The following TPD52 variants were observed in gnomAD, a reference collection of about 807,000 sequenced individuals.
The protein encoded by TPD52 is tumor protein D52, also known as prostate and colon associated protein.
Under a neutral mutation model 31.3 loss-of-function variants are expected in TPD52, and 17 were observed. The ratio of observed to expected loss-of-function variants is 0.54; its 90% confidence interval spans 0.37 to 0.82. The LOEUF (loss-of-function observed/expected upper bound fraction) is 0.82. Among genes scored for constraint, TPD52 ranks in the 40% least tolerant of loss-of-function variants. TPD52 has a pLI of 0.00. For synonymous variants in TPD52, 83 were observed against 89.6 expected (o/e 0.93, Z 0.42); for missense variants, 212 against 240.1 (o/e 0.88, Z 0.77).
intron 1 of TPD52, among the ~76,000 whole-genome samples, chr8:80,164,746 C>A (rs1028697294): frequency 4.0e-5 from 6 of 149,548 alleles, no homozygotes; most frequent in Non-Finnish European, 7.4e-5. Flanking sequence ...ATTAGCCAGG[C>A]ATGCTGGCAC....
chr8:80,151,418 G>T (rs979436952), intron 1 of TPD52, among the ~76,000 whole-genome samples: 1 of 152,332 alleles, frequency 6.6e-6, no homozygotes, highest in East Asian at 1.9e-4. Flanking sequence ...CGAAGTGATT[G>T]TTAAAGTATA....
intron 2 of TPD52, among the ~76,000 whole-genome samples, chr8:80,056,362 G>A (rs1161801592): frequency 1.3e-5 from 2 of 152,198 alleles, no homozygotes; most frequent in Non-Finnish European, 2.9e-5. Flanking sequence ...GGTGTTAGAG[G>A]TTGGGAAAGG....
Position 80,053,314 on chromosome 8 carries a change from G to T in TPD52, c.252C>A (p.Ala84=). Residue 84 remains alanine (A), a synonymous_variant, in exon 3 of 8, where the codon GCC becomes GCA. Coordinates refer to ENST00000518937, the MANE Select transcript of TPD52 (RefSeq NM_001025253.3). The part of the protein sequence containing the change: ...NSLQELKQNI[A]KGWQDVTATS... ...TTGCTGTCACGTCTTGCCACCCTTT[G>T]GCAATGTTCTGTTTTAGTTCCTGTA... is the stretch of plus-strand genomic sequence containing the variant. 6.2e-7 allele frequency: 1 copy of T among 1,613,592 alleles called. No homozygotes were observed. The highest frequency in any genetic ancestry group is 1.1e-5 in the South Asian group (1 of 91,056).
At chr8:80,124,773 G>A (rs187762991) in intron 1 of TPD52, among the ~76,000 whole-genome samples, 21 of 152,068 alleles carry the variant, frequency 1.4e-4, no homozygotes, top group African/African-American at 4.6e-4. Flanking sequence ...TGCTTAGCAC[G>A]TATTCTGATC....
intron 1 of TPD52, among the ~76,000 whole-genome samples, chr8:80,130,877 C>T (rs749589697): frequency 6.6e-6 from 1 of 152,138 alleles, no homozygotes; most frequent in Admixed American, 6.5e-5. Flanking sequence ...AATCATTTAA[C>T]GTATTTAAAC....
At chr8:80,120,066 A>T (rs4740118) in intron 1 of TPD52, among the ~76,000 whole-genome samples, 65,849 of 151,958 alleles carry the variant, frequency 0.43, 14,872 homozygotes, top group East Asian at 0.78. Context: ...AAGTTAAAAG[A>T]CAAGTGACAG....
intron 1 of TPD52, among the ~76,000 whole-genome samples, chr8:80,146,999 G>T (rs1810242276): frequency 6.6e-6 from 1 of 152,152 alleles, no homozygotes; most frequent in Non-Finnish European, 1.5e-5. Flanking sequence ...TACTGAACCA[G>T]AACTCTGTGG....
intron 5 of TPD52, 52 bp downstream of exon 5, chr8:80,050,393 C>T: frequency 1.3e-6 from 2 of 1,558,384 alleles, no homozygotes; most frequent in South Asian, 1.2e-5. Context: ...AATCTCAGCA[C>T]ACTTTTCTTA....
At chr8:80,066,850 T>C (rs1008549542) in intron 1 of TPD52, 1 of 152,206 alleles carries the variant, frequency 6.6e-6, no homozygotes, top group Non-Finnish European at 1.5e-5. Flanking sequence ...AGCATTCAAG[T>C]AACAATCATA....
chr8:80,035,840 A>T lies in TPD52; in HGVS notation c.*2276T>A, dbSNP rs1288577462. On this transcript the variant is annotated 3_prime_UTR_variant, in exon 8 of 8. Transcript: ENST00000518937. ...ACTCTTGCTATTTTCTTAGTGTCAA[A>T]CACAAGAGGAACCAGGAACTGTTTC... The T allele has an allele frequency of 6.6e-6, 1 of 152,246 alleles. No individual in the cohort carries two copies. Among genetic ancestry groups the T allele is most frequent in the Non-Finnish European group, 1.5e-5 (1 of 68,034 alleles). The allele number at this position is 152,246 out of a possible 1,614,324, so 9.4% of individuals were successfully genotyped here. A position where few individuals can be genotyped will look rare whatever the true frequency, so the allele number is the denominator to read the frequency against.
At position 80,124,895 on chromosome 8, in the gene TPD52, T is replaced by C. The variant is rs557139905; in HGVS notation, c.19+46530A>G. 7.7e-4 allele frequency among the ~76,000 whole-genome samples: 117 copies of C among 152,310 alleles called. No homozygotes were observed. In the South Asian group the frequency reaches 8.3e-3, roughly 11 times the overall value. ...GCAGAAAGTACAGAGAGTTCCCATA[T>C]AGCCCCTGTCCCCATATATGCACAA... On this transcript the variant is annotated intron_variant, in intron 1 of 7. Transcript: ENST00000518937.
At chr8:80,099,881 C>A (rs1394229626) in intron 1 of TPD52, among the ~76,000 whole-genome samples, 2 of 152,136 alleles carry the variant, frequency 1.3e-5, no homozygotes, top group African/African-American at 2.4e-5. Context: ...AAGTTTAAGG[C>A]CTACATTTAA....
intron 1 of TPD52, among the ~76,000 whole-genome samples, chr8:80,152,077 A>G (rs59455852): frequency 0.098 from 14,938 of 152,220 alleles, 860 homozygotes; most frequent in South Asian, 0.21. Context: ...AACGCTAGAA[A>G]GGCAACACCC....
chr8:80,043,445 G>T (rs1326406764), intron 6 of TPD52, among the ~76,000 whole-genome samples: 1 of 152,084 alleles, frequency 6.6e-6, no homozygotes, highest in African/African-American at 2.4e-5. Context: ...AGGAAAAGGG[G>T]TTTCTTCCTT....
intron 1 of TPD52, among the ~76,000 whole-genome samples, chr8:80,065,737 T>C (rs1813068725): frequency 6.6e-6 from 1 of 152,222 alleles, no homozygotes; most frequent in Non-Finnish European, 1.5e-5. Context: ...TGAACAGCAC[T>C]ATTGGTAATC....
In TPD52 at chr8:80,053,292, C is replaced by T. The variant is rs1463694731; in HGVS notation, c.274G>A (p.Ala92Thr). 1 of 1,613,428 alleles carries T rather than the reference C, an allele frequency of 6.2e-7. No individual in the cohort carries two copies. The highest frequency in any genetic ancestry group is 1.1e-5 in the South Asian group (1 of 91,022). Residue 92 changes from alanine (A) to threonine (T), a missense_variant, in exon 3 of 8, where the codon GCA (alanine) becomes ACA (threonine). Ala to Thr is a moderately conservative substitution (Grantham distance 58). Transcript: ENST00000518937. ...ATCAAGGAAACATACGCAGATGTTGCTGTCACGTCTTGCCACCCTTTGGCA... is the reference window on the plus strand; with the variant it reads ...ATCAAGGAAACATACGCAGATGTTGTTGTCACGTCTTGCCACCCTTTGGCA... Reference protein sequence around the residue: ...NIAKGWQDVTATSAYKKTSET... With the variant: ...NIAKGWQDVTTTSAYKKTSET...
intron 1 of TPD52, among the ~76,000 whole-genome samples, chr8:80,129,677 C>T (rs1808880502): frequency 1.3e-5 from 2 of 150,448 alleles, no homozygotes; most frequent in Non-Finnish European, 3.0e-5. Context: ...CCTCCCCCGA[C>T]TTCTCTCAAA....
intron 1 of TPD52, among the ~76,000 whole-genome samples, chr8:80,081,140 C>CTTTTCT (rs1216241789): frequency 1.3e-4 from 18 of 143,754 alleles, no homozygotes; most frequent in African/African-American, 4.4e-4. Context: ...TTCAGACTGA[C>CTTTTCT]TTTTCTTTTC....
At chr8:80,169,667 G>A (rs965646921) in intron 1 of TPD52, among the ~76,000 whole-genome samples, 13 of 152,250 alleles carry the variant, frequency 8.5e-5, no homozygotes, top group Non-Finnish European at 1.6e-4. Context: ...TATGTCAAAC[G>A]ACAGTGTGTA....
Sources: allele counts gnomAD v4.1 joint callset (sites outside exome capture counted in the v4.1 genomes callset), GRCh38; gene constraint gnomAD v4.1.1; transcripts MANE v1.5; gene names NCBI Gene and HGNC (gene_info 2026-07-23, HGNC 2026-07-21).